Variants in LRRC2 observed in about 807,000 individuals in gnomAD.
LRRC2 encodes the protein leucine-rich repeat-containing protein 2.
LRRC2 carries 27 observed loss-of-function variants against 40.2 expected under a neutral mutation model. The observed-to-expected ratio is 0.67, with a 90% CI of 0.49 to 0.93. The LOEUF is 0.93. Among genes scored for constraint, LRRC2 ranks in the 40% least tolerant of loss-of-function variants. The probability of loss-of-function intolerance (pLI) is 0.00; values close to 1 mark genes in which losing one functional copy is unlikely to be tolerated. For missense variants in LRRC2, 402 were observed against 439.6 expected, an observed-to-expected ratio of 0.91 and a Z score of 0.76; for synonymous variants, 147 against 158.9, an observed-to-expected ratio of 0.92 and a Z score of 0.56.
chr3:46,526,805 G>T (rs564306082), intron 7 of LRRC2, among the ~76,000 whole-genome samples: 1 of 152,236 alleles, frequency 6.6e-6, no homozygotes, highest in South Asian at 2.1e-4. Context: ...GAGCAGCCTC[G>T]TGTGAATAAT....
chr3:46,536,030 C>A (rs1292932995), intron 4 of LRRC2, among the ~76,000 whole-genome samples: 3 of 152,220 alleles, frequency 2.0e-5, no homozygotes, highest in African/African-American at 7.2e-5. Flanking sequence ...GAGTCCACCT[C>A]CGCCTTCATG....
Position 46,519,019 on chromosome 3 carries a change from G to T in LRRC2, c.1111C>A (p.Leu371Ile). Residue 371 changes from leucine (L) to isoleucine (I), a missense_variant, in exon 9 of 9, where the codon CTT (leucine) becomes ATT (isoleucine). Transcript: ENST00000395905. ...YTTKVSFSLQL is the reference protein window; with the variant it reads ...YTTKVSFSLQI ...TTGCAGTCTTCTGATGGATATCAAA[G>T]TTGAAGGCTAAAAGACACTTTGGTG... The T allele has an allele frequency of 3.1e-6, 5 of 1,604,134 alleles. No individual in the cohort carries two copies. The highest frequency in any genetic ancestry group is 3.4e-6 in the Non-Finnish European group (4 of 1,171,078).
intron 4 of LRRC2, among the ~76,000 whole-genome samples, chr3:46,538,690 T>C (rs1704317362): frequency 6.6e-6 from 1 of 152,196 alleles, no homozygotes; most frequent in African/African-American, 2.4e-5. Flanking sequence ...AATGGACTAA[T>C]GTATAAGAGC....
At chr3:46,546,983 C>T (rs1288272803) in intron 2 of LRRC2, among the ~76,000 whole-genome samples, 1 of 152,156 alleles carries the variant, frequency 6.6e-6, no homozygotes, top group African/African-American at 2.4e-5. Flanking sequence ...AAAACATATT[C>T]ATGGATCCCA....
chr3:46,532,624 A>G (rs1164562013), intron 5 of LRRC2, 149 bp downstream of exon 5: 5 of 829,858 alleles, frequency 6.0e-6, no homozygotes, highest in Non-Finnish European at 9.0e-6. Context: ...GAAGTTTTTA[A>G]AGACCAGTAT....
chr3:46,517,331 T>G lies in LRRC2; in HGVS notation c.*1683A>C, dbSNP rs530600803. The G allele has an allele frequency of 6.6e-6, 1 of 151,910 alleles. No homozygotes were observed. Among genetic ancestry groups the G allele is most frequent in the East Asian group, 1.9e-4 (1 of 5,176 alleles). 9.4% of individuals were successfully genotyped at this position (151,910 alleles called of 1,614,324 possible). On this transcript the variant is annotated 3_prime_UTR_variant, in exon 9 of 9. Transcript: ENST00000395905. ...CAATAATAATATTGTTATTGCTGTT[T>G]GTTTTGCTTTTGAGACAGGGTCTCA...
At chr3:46,539,251 A>C (rs1230593868) in intron 3 of LRRC2, 50 bp from the exon 4 acceptor site, 1 of 1,554,636 alleles carries the variant, frequency 6.4e-7, no homozygotes, top group Non-Finnish European at 8.8e-7. Flanking sequence ...CCGTGTGCAC[A>C]AAGCCGTGTA....
At position 46,545,079 on chromosome 3, in the gene LRRC2, C is replaced by T. The variant is rs1279804326; in HGVS notation, c.300G>A (p.Ala100=). 4 of 1,613,372 alleles carry T rather than the reference C, an allele frequency of 2.5e-6. No individual in the cohort carries two copies. Among genetic ancestry groups the T allele is most frequent in the Admixed American group, 1.7e-5 (1 of 60,014 alleles). Reference sequence around the variant, plus strand: ...GCTCCCCAGAAAGTTCAAACACAAACGCACTGCTCCGTTTGCCTCTGTCCT... The same window carrying T: ...GCTCCCCAGAAAGTTCAAACACAAATGCACTGCTCCGTTTGCCTCTGTCCT... ...LPKDRGKRSS[A]FVFELSGEHW... The change falls in exon 3 of 9, where the codon GCG becomes GCA. Residue 100 remains alanine (A), a synonymous_variant. Coordinates refer to ENST00000395905, the MANE Select transcript of LRRC2 (RefSeq NM_024512.5).
chr3:46,532,502 G>C (rs943749566), intron 5 of LRRC2, among the ~76,000 whole-genome samples: 1 of 152,122 alleles, frequency 6.6e-6, no homozygotes, highest in African/African-American at 2.4e-5. Flanking sequence ...CTACTCAGGA[G>C]GCTGAGGCAG....
At chr3:46,530,645 G>A (rs549904105) in intron 5 of LRRC2, among the ~76,000 whole-genome samples, 4 of 152,340 alleles carry the variant, frequency 2.6e-5, no homozygotes, top group African/African-American at 9.6e-5. Context: ...CAATCATGGT[G>A]GAAGGCAAAG....
chr3:46,548,915 A>G (rs1449004376), intron 2 of LRRC2, among the ~76,000 whole-genome samples: 1 of 152,086 alleles, frequency 6.6e-6, no homozygotes, highest in Non-Finnish European at 1.5e-5. Context: ...TCCTATGAGA[A>G]TCTAATGCTG....
rs1485430759 is a variant in LRRC2, at chr3:46,545,270, G to C, written c.126-17C>G. The C allele has an allele frequency of 6.2e-7, 1 of 1,611,370 alleles. No individual in the cohort carries two copies. The highest frequency in any genetic ancestry group is 1.3e-5 in the African/African-American group (1 of 74,858). On this transcript the variant is annotated splice_polypyrimidine_tract_variant and intron_variant, in intron 2 of 8. Coordinates refer to ENST00000395905, the MANE Select transcript of LRRC2 (RefSeq NM_024512.5). ...TCCTTTATCCTAAAACAGGCAGCAG[G>C]GGTCACAGTTACTCTCCTGGGGACT...
intron 8 of LRRC2, among the ~76,000 whole-genome samples, chr3:46,520,441 C>T (rs1032613870): frequency 6.6e-6 from 1 of 151,872 alleles, no homozygotes; most frequent in East Asian, 1.9e-4. Context: ...TTCACATTTA[C>T]GATAAATTTC....
chr3:46,546,715 CTTTTTTTTTTTTT>C (rs71098416), intron 2 of LRRC2, among the ~76,000 whole-genome samples: 2 of 106,600 alleles, frequency 1.9e-5, no homozygotes, highest in Admixed American at 2.1e-4. Flanking sequence ...CAATTTGCTC[CTTTTTTTTTTTTT>C]TTTTTTTTGA....
At chr3:46,565,614 A>C (rs1705040668) in intron 1 of LRRC2, among the ~76,000 whole-genome samples, 1 of 152,142 alleles carries the variant, frequency 6.6e-6, no homozygotes, top group Non-Finnish European at 1.5e-5. Flanking sequence ...GGTCCAGCAG[A>C]AGAGCTAGCA....
At chr3:46,536,780 AG>A (rs1270966050) in intron 4 of LRRC2, among the ~76,000 whole-genome samples, 1 of 152,240 alleles carries the variant, frequency 6.6e-6, no homozygotes, top group East Asian at 1.9e-4. Flanking sequence ...CTGGCTCACA[AG>A]GAAAGAATGA....
chr3:46,552,304 C>T (rs1445846472), intron 1 of LRRC2, among the ~76,000 whole-genome samples: 1 of 151,676 alleles, frequency 6.6e-6, no homozygotes, highest in Non-Finnish European at 1.5e-5. Context: ...CACACACACA[C>T]GCAGGCAGGC....
intron 5 of LRRC2, among the ~76,000 whole-genome samples, chr3:46,530,629 G>A (rs994482570): frequency 6.6e-6 from 1 of 152,174 alleles, no homozygotes; most frequent in Non-Finnish European, 1.5e-5. Context: ...TGCTGGGGAG[G>A]AATCACAATC....
intron 4 of LRRC2, among the ~76,000 whole-genome samples, chr3:46,533,799 GTTTC>G (rs139748444): frequency 4.4e-4 from 27 of 60,822 alleles, no homozygotes; most frequent in Admixed American, 1.9e-3. Flanking sequence ...TTCTTTCTTT[GTTTC>G]TTTCTTTCTT....
Sources: gnomAD v4.1 joint callset for allele counts (sites outside exome capture counted in the v4.1 genomes callset) on GRCh38, gnomAD v4.1.1 for gene constraint, MANE v1.5 for transcripts, NCBI Gene and HGNC (gene_info 2026-07-23, HGNC 2026-07-21) for gene names.